Variants in CACNA1C observed in about 807,000 individuals in gnomAD.
CACNA1C encodes the protein voltage-dependent L-type calcium channel subunit alpha-1C.
CACNA1C carries 30 observed loss-of-function variants against 229.0 expected under a neutral mutation model. The observed-to-expected ratio is 0.13, with a 90% CI of 0.10 to 0.18. The LOEUF (loss-of-function observed/expected upper bound fraction) is 0.18, where lower values mean the gene tolerates loss of function less well. Among genes scored for constraint, CACNA1C ranks in the 10% least tolerant of loss-of-function variants. The pLI is 1.00. For synonymous variants in CACNA1C, 1,114 were observed against 1,132.5 expected, an observed-to-expected ratio of 0.98 and a Z score of 0.33; for missense variants, 1,658 against 2,845.0, an observed-to-expected ratio of 0.58 and a Z score of 9.49.
chr12:2,625,968 A>G (rs913892477), intron 29 of CACNA1C, among the ~76,000 whole-genome samples: 25 of 152,182 alleles, frequency 1.6e-4, no homozygotes, highest in Admixed American at 5.2e-4. Context: ...TAAAAATAAA[A>G]TAAAATAAAA....
In CACNA1C at chr12:2,585,723, C is replaced by T. The variant is rs2062161039; in HGVS notation, c.2461-112C>T. 1.1e-6 allele frequency: 1 copy of T among 930,628 alleles called. No homozygotes were observed. The highest frequency in any genetic ancestry group is 1.7e-6 in the Non-Finnish European group (1 of 580,942). The allele number at this position is 930,628 out of a possible 1,614,324, so 57.6% of individuals were successfully genotyped here. A position where few individuals can be genotyped will look rare whatever the true frequency, so the allele number is the denominator to read the frequency against. Reference sequence around the variant, plus strand: ...AAGGAGATATGCAAAGTGACAAGTACCTATTTTTGAGCTAAGTCACTGACT... The same window carrying T: ...AAGGAGATATGCAAAGTGACAAGTATCTATTTTTGAGCTAAGTCACTGACT... On this transcript the variant is annotated intron_variant, in intron 17 of 46. Coordinates refer to ENST00000399655, the MANE Select transcript of CACNA1C (RefSeq NM_000719.7). The surrounding 1 kb of genome is among the most constrained non-coding windows in gnomAD (Gnocchi z 4.1).
At chr12:2,153,232 G>C (rs1326725162) in intron 3 of CACNA1C, among the ~76,000 whole-genome samples, 1 of 152,120 alleles carries the variant, frequency 6.6e-6, no homozygotes, top group African/African-American at 2.4e-5. Flanking sequence ...TATCCTTGAG[G>C]TTAATGAAAG....
intron 1 of CACNA1C, among the ~76,000 whole-genome samples, chr12:1,981,969 C>G (rs1309315723): frequency 6.6e-6 from 1 of 152,180 alleles, no homozygotes; most frequent in Non-Finnish European, 1.5e-5. Flanking sequence ...AGAGTAGCAG[C>G]AGATGTGATC....
rs546152467 is a variant in CACNA1C at position 2,094,141 on chromosome 12, A to G, written c.50-21083A>G. ...AAGGCAAAGGCAGGAAGGCTGCCAAAGAGCCTGGTATTCAAGGGAAATGAA... is the reference window on the plus strand; with the variant it reads ...AAGGCAAAGGCAGGAAGGCTGCCAAGGAGCCTGGTATTCAAGGGAAATGAA... On this transcript the variant is annotated intron_variant, in intron 1 of 46. Coordinates refer to ENST00000399655, the MANE Select transcript of CACNA1C (RefSeq NM_000719.7). Among the ~76,000 whole-genome samples, 9 of 152,384 alleles carry G rather than the reference A, an allele frequency of 5.9e-5. No individual in the cohort carries two copies. In the East Asian group the frequency reaches 1.5e-3, roughly 26 times the overall value.
chr12:2,565,305 A>T (rs1394588575), intron 11 of CACNA1C, among the ~76,000 whole-genome samples: 2 of 151,568 alleles, frequency 1.3e-5, no homozygotes. Flanking sequence ...GTCTCTACTA[A>T]AAATACAAAA....
chr12:2,449,681 C>T (rs1011305767), intron 4 of CACNA1C, among the ~76,000 whole-genome samples: 5 of 152,250 alleles, frequency 3.3e-5, no homozygotes, highest in Non-Finnish European at 7.3e-5. Context: ...CATGCACACA[C>T]GGTTGGACCT....
At chr12:2,423,137 G>A (rs185305576) in intron 3 of CACNA1C, among the ~76,000 whole-genome samples, 3 of 152,170 alleles carry the variant, frequency 2.0e-5, no homozygotes, top group Admixed American at 6.5e-5. Flanking sequence ...CCCTAGAATC[G>A]TGTGATCCTA....
intron 3 of CACNA1C, among the ~76,000 whole-genome samples, chr12:2,341,737 C>T (rs1263021187): frequency 6.6e-6 from 1 of 152,208 alleles, no homozygotes; most frequent in East Asian, 1.9e-4. Flanking sequence ...GGAACTAGTA[C>T]GAGCACGTGT....
At chr12:2,264,361 A>C (rs1309214130) in intron 3 of CACNA1C, among the ~76,000 whole-genome samples, 1 of 152,232 alleles carries the variant, frequency 6.6e-6, no homozygotes, top group Non-Finnish European at 1.5e-5. Flanking sequence ...TGAAATTGGC[A>C]GATCAGAAGC....
At chr12:2,389,473 G>C (rs187522952) in intron 3 of CACNA1C, among the ~76,000 whole-genome samples, 268 of 152,306 alleles carry the variant, frequency 1.8e-3, no homozygotes, top group Middle Eastern at 3.4e-3. Context: ...GGAGAGGCAA[G>C]CTGGCTAAAC....
At chr12:2,240,767 C>T (rs375556239) in intron 3 of CACNA1C, among the ~76,000 whole-genome samples, 2 of 140,020 alleles carry the variant, frequency 1.4e-5, no homozygotes, top group East Asian at 2.5e-4. Context: ...GCCTCCTCTT[C>T]CACCTCTCTT....
At chr12:2,076,434 G>A (rs929314836) in intron 1 of CACNA1C, among the ~76,000 whole-genome samples, 1 of 152,106 alleles carries the variant, frequency 6.6e-6, no homozygotes, top group African/African-American at 2.4e-5. Context: ...TGGCTCACAT[G>A]GGTCTGCTGC....
intron 3 of CACNA1C, among the ~76,000 whole-genome samples, chr12:2,232,879 T>A (rs1028940378): frequency 4.6e-5 from 7 of 152,198 alleles, no homozygotes; most frequent in African/African-American, 1.7e-4. Flanking sequence ...TTGTTTTAGC[T>A]TTGGCCATTG....
At chr12:2,377,259 GC>G (rs1195866244) in intron 3 of CACNA1C, among the ~76,000 whole-genome samples, 1 of 152,140 alleles carries the variant, frequency 6.6e-6, no homozygotes, top group African/African-American at 2.4e-5. Context: ...TCCTCTCCCG[GC>G]CCCCGTTCTG....
At chr12:2,587,684 T>C (rs1389721613) in intron 18 of CACNA1C, among the ~76,000 whole-genome samples, 1 of 152,224 alleles carries the variant, frequency 6.6e-6, no homozygotes, top group Non-Finnish European at 1.5e-5. Flanking sequence ...CCAGTGGCTC[T>C]GAGGACTGGG....
At position 2,486,301 on chromosome 12, in the gene CACNA1C, C is replaced by G. The variant is rs781572830; in HGVS notation, c.916+39C>G. 1 of 1,572,544 alleles carries G rather than the reference C, an allele frequency of 6.4e-7. No individual in the cohort carries two copies. Among genetic ancestry groups the G allele is most frequent in the South Asian group, 1.2e-5 (1 of 86,920 alleles). ...GCGGCTGCGCTCCCAAGGCCCTGCC[C>G]TCTATCGCTCCCAGCACCTTTCCCG... On this transcript the variant is annotated intron_variant, in intron 6 of 46. Coordinates refer to ENST00000399655, the MANE Select transcript of CACNA1C (RefSeq NM_000719.7). This position sits in a 1 kb window ranked among gnomAD's most constrained non-coding sequence, Gnocchi z 4.9.
chr12:2,082,640 C>T (rs1448218699), intron 1 of CACNA1C, among the ~76,000 whole-genome samples: 1 of 152,122 alleles, frequency 6.6e-6, no homozygotes, highest in Non-Finnish European at 1.5e-5. Context: ...CTGAGATGCT[C>T]CACCTCATTC....
intron 32 of CACNA1C, among the ~76,000 whole-genome samples, chr12:2,652,428 T>TG (rs148156932): frequency 0.01 from 1,533 of 152,320 alleles, 35 homozygotes; most frequent in African/African-American, 0.035. Context: ...GCAAAGCGCT[T>TG]GGGTCACTTG....
rs183179104 is a variant in CACNA1C at position 2,630,242 on chromosome 12, G to A, written c.3829-4055G>A. Among the ~76,000 whole-genome samples the A allele has an allele frequency of 2.0e-5, 3 of 152,260 alleles. No homozygotes were observed. Among genetic ancestry groups the A allele is most frequent in the Non-Finnish European group, 2.9e-5 (2 of 68,018 alleles). ...CCAGACTCCAGGTCAGACTGATTTC[G>A]TAAGACGTGTATGATTTTTTTCCCA... On this transcript the variant is annotated intron_variant, in intron 29 of 46. Transcript: ENST00000399655. This position sits in a 1 kb window ranked among gnomAD's most constrained non-coding sequence, Gnocchi z 5.4.
Sources: gnomAD v4.1 joint callset for allele counts (sites outside exome capture counted in the v4.1 genomes callset) on GRCh38, gnomAD v4.1.1 for gene constraint, Gnocchi (gnomAD v3.1) non-coding constraint, MANE v1.5 for transcripts, NCBI Gene and HGNC (gene_info 2026-07-23, HGNC 2026-07-21) for gene names.